Variants in ATF7 observed in about 807,000 individuals in gnomAD.
The protein encoded by ATF7 is activating transcription factor 7, also known as cyclic AMP-dependent transcription factor ATF-7.
A neutral mutation model predicts 50.4 loss-of-function variants in ATF7; 10 were observed. The observed-to-expected ratio is 0.20, with a 90% CI of 0.12 to 0.34. The LOEUF is 0.34. ATF7 is among the 10% of genes least tolerant of loss of function. ATF7 has a pLI of 1.00. For missense variants in ATF7, 465 were observed against 613.9 expected (o/e 0.76, Z 2.56); for synonymous variants, 201 against 226.4 (o/e 0.89, Z 1.01).
At chr12:53,591,634 A>G (rs1942941931) in intron 2 of ATF7, among the ~76,000 whole-genome samples, 1 of 152,174 alleles carries the variant, frequency 6.6e-6, no homozygotes, top group South Asian at 2.1e-4. Context: ...CAATCTTTAT[A>G]GTGGATTGAG....
At chr12:53,588,627 T>C (rs993630021) in intron 2 of ATF7, among the ~76,000 whole-genome samples, 3 of 152,152 alleles carry the variant, frequency 2.0e-5, no homozygotes, top group Non-Finnish European at 2.9e-5. Flanking sequence ...GAAGAAAATA[T>C]GGATCAGGAA....
intron 1 of ATF7, among the ~76,000 whole-genome samples, chr12:53,604,257 C>A (rs1191335930): frequency 2.0e-5 from 3 of 151,966 alleles, no homozygotes; most frequent in African/African-American, 7.3e-5. Context: ...TACTCAGTCA[C>A]CAGAATTTTT....
At chr12:53,594,616 G>C (rs149212543) in intron 2 of ATF7, among the ~76,000 whole-genome samples, 4 of 152,246 alleles carry the variant, frequency 2.6e-5, no homozygotes, top group African/African-American at 9.6e-5. Flanking sequence ...GGCCAAGTGC[G>C]GTGGCTTACG....
At chr12:53,611,363 G>A (rs1012160414) in intron 1 of ATF7, among the ~76,000 whole-genome samples, 1 of 152,074 alleles carries the variant, frequency 6.6e-6, no homozygotes, top group African/African-American at 2.4e-5. Context: ...TGAGGCAGGA[G>A]AATCGCTCAA....
chr12:53,513,544 G>A lies in ATF7; in HGVS notation c.*3593C>T, dbSNP rs1592757465. On this transcript the variant is annotated 3_prime_UTR_variant, in exon 12 of 12. Transcript: ENST00000420353. ...GAAAGAGCATATCAACAAGGCATAT[G>A]TGATATAGCTAGGAAGACTGGAATC... The A allele has an allele frequency of 1.3e-5, 2 of 152,110 alleles. No individual in the cohort carries two copies. The highest frequency in any genetic ancestry group is 1.3e-4 in the Admixed American group (2 of 15,272). The allele number at this position is 152,110 out of a possible 1,614,324, so 9.4% of individuals were successfully genotyped here. A position where few individuals can be genotyped will look rare whatever the true frequency, so the allele number is the denominator to read the frequency against.
At position 53,537,375 on chromosome 12, in the gene ATF7, A is replaced by G. The variant is rs1592814779; in HGVS notation, c.402+40T>C. 3.1e-6 allele frequency: 5 copies of G among 1,608,126 alleles called. No homozygotes were observed. The East Asian group carries it at 1.1e-4, about 36-fold the overall frequency. ...TATATAATTAATGAATCAAAACTTTATCAATTAACATTTGAGATGATCCTT... is the reference window on the plus strand; with the variant it reads ...TATATAATTAATGAATCAAAACTTTGTCAATTAACATTTGAGATGATCCTT... On this transcript the variant is annotated intron_variant, in intron 5 of 11. Coordinates refer to ENST00000420353, the MANE Select transcript of ATF7 (RefSeq NM_006856.3).
intron 2 of ATF7, among the ~76,000 whole-genome samples, chr12:53,565,532 AC>A (rs1370355981): frequency 6.6e-6 from 1 of 151,736 alleles, no homozygotes; most frequent in Non-Finnish European, 1.5e-5. Context: ...TTACTTCATC[AC>A]CCAGACTGGA....
intron 1 of ATF7, among the ~76,000 whole-genome samples, chr12:53,611,970 G>A (rs34416866): frequency 1.5e-4 from 23 of 151,964 alleles, no homozygotes; most frequent in Admixed American, 1.3e-3. Flanking sequence ...TAGGAAAACA[G>A]CTGCATTTTT....
chr12:53,533,287 A>G (rs1350351434), intron 6 of ATF7, 28 bp from the exon 7 acceptor site: 7 of 1,538,040 alleles, frequency 4.6e-6, no homozygotes, highest in Admixed American at 1.7e-5. Flanking sequence ...TGAAATGCTC[A>G]TAACACAGAC....
chr12:53,577,863 GACAAACAA>G (rs760219610), intron 2 of ATF7, among the ~76,000 whole-genome samples: 1 of 151,696 alleles, frequency 6.6e-6, no homozygotes, highest in Non-Finnish European at 1.5e-5. Flanking sequence ...CAGGCTAAAT[GACAAACAA>G]ACAAACAAAC....
At chr12:53,578,116 T>C (rs916102676) in intron 2 of ATF7, among the ~76,000 whole-genome samples, 2 of 152,194 alleles carry the variant, frequency 1.3e-5, no homozygotes, top group Admixed American at 6.6e-5. Context: ...ACATGTGGTG[T>C]GGCTCACGTC....
chr12:53,625,128 ATC>A (rs1382499302), intron 1 of ATF7, among the ~76,000 whole-genome samples: 4 of 152,322 alleles, frequency 2.6e-5, no homozygotes, highest in Admixed American at 2.0e-4. Flanking sequence ...CAACGCGGGA[ATC>A]TGGGTAGGAG....
intron 9 of ATF7, among the ~76,000 whole-genome samples, chr12:53,525,349 G>A (rs949723013): frequency 7.2e-5 from 11 of 152,248 alleles, no homozygotes; most frequent in Admixed American, 2.6e-4. Context: ...GCGAAACTCC[G>A]TCTCACAAAA....
At chr12:53,573,944 C>CG (rs1941915769) in intron 2 of ATF7, among the ~76,000 whole-genome samples, 1 of 152,204 alleles carries the variant, frequency 6.6e-6, no homozygotes, top group Admixed American at 6.5e-5. Flanking sequence ...CCTAATCATA[C>CG]GACAGTAGAA....
At chr12:53,604,489 T>C (rs977482534) in intron 1 of ATF7, among the ~76,000 whole-genome samples, 2 of 152,224 alleles carry the variant, frequency 1.3e-5, no homozygotes, top group Non-Finnish European at 2.9e-5. Flanking sequence ...AGACTAAGCA[T>C]GGAGTCTGTC....
chr12:53,567,929 A>T (rs1654917977), intron 2 of ATF7, among the ~76,000 whole-genome samples: 1 of 152,178 alleles, frequency 6.6e-6, no homozygotes, highest in African/African-American at 2.4e-5. Context: ...TCTTATTAGG[A>T]TGTTATGAGG....
At position 53,613,005 on chromosome 12, in the gene ATF7, A is replaced by C. The variant is rs546648216; in HGVS notation, c.-21-11984T>G. Among the ~76,000 whole-genome samples, 3 of 152,276 alleles carry C rather than the reference A, an allele frequency of 2.0e-5. No homozygotes were observed. The South Asian group carries it at 6.2e-4, about 32-fold the overall frequency. ...GACGACAGAGCGAGACTCTGTCTCA[A>C]GAAAAAAAAAAGGCAAGTGAGGCCA... On this transcript the variant is annotated intron_variant, in intron 1 of 11. Coordinates refer to ENST00000420353, the MANE Select transcript of ATF7 (RefSeq NM_006856.3).
intron 7 of ATF7, 112 bp from the exon 8 acceptor site, chr12:53,532,735 G>T (rs1276601997): frequency 2.8e-6 from 2 of 721,034 alleles, no homozygotes; most frequent in Non-Finnish European, 4.6e-6. Flanking sequence ...AGGGCCTGTT[G>T]TGTGCAATGT....
At chr12:53,619,316 C>T (rs1164263739) in intron 1 of ATF7, among the ~76,000 whole-genome samples, 6 of 151,424 alleles carry the variant, frequency 4.0e-5, no homozygotes, top group African/African-American at 1.2e-4. Flanking sequence ...GGTGAAACCA[C>T]GTCTCTACTA....
Sources: allele counts gnomAD v4.1 joint callset (sites outside exome capture counted in the v4.1 genomes callset), GRCh38; gene constraint gnomAD v4.1.1; transcripts MANE v1.5; gene names NCBI Gene and HGNC (gene_info 2026-07-23, HGNC 2026-07-21).